The following ACTL8 variants were observed in gnomAD, a reference collection of about 807,000 sequenced individuals.
ACTL8 encodes the protein actin-like protein 8.
In ACTL8, 3 loss-of-function variants were observed where a neutral mutation model predicts 9.3. The observed-to-expected ratio is 0.32, with a 90% CI of 0.15 to 0.83. The LOEUF (loss-of-function observed/expected upper bound fraction) is 0.83, where lower values mean the gene tolerates loss of function less well. Among genes scored for constraint, ACTL8 ranks in the 40% least tolerant of loss-of-function variants. ACTL8 has a pLI of 0.57. For missense variants in ACTL8, 381 were observed against 492.2 expected (o/e 0.77, Z 2.14); for synonymous variants, 224 against 205.9 (o/e 1.09, Z -0.75).
intron 1 of ACTL8, among the ~76,000 whole-genome samples, chr1:17,799,608 T>A (rs145436563): frequency 3.1e-4 from 46 of 150,066 alleles, no homozygotes; most frequent in African/African-American, 1.1e-3. Flanking sequence ...CTCTCTTTTT[T>A]TTCTCTGGCC....
At chr1:17,822,428 C>A (rs1181681068) in intron 1 of ACTL8, among the ~76,000 whole-genome samples, 1 of 152,206 alleles carries the variant, frequency 6.6e-6, no homozygotes, top group African/African-American at 2.4e-5. Context: ...GCAAAGCATT[C>A]CTTGTAGTAC....
chr1:17,824,558 A>T (rs531615458), intron 2 of ACTL8, among the ~76,000 whole-genome samples: 1 of 152,350 alleles, frequency 6.6e-6, no homozygotes, highest in Non-Finnish European at 1.5e-5. Flanking sequence ...TTACTAGGTA[A>T]AATACGTGAT....
In ACTL8 at chr1:17,794,463, C is replaced by T. The variant is rs540646216; in HGVS notation, c.-24-28522C>T. ...CATCAGTTACACCATCCCCTCTAGGCTCCACAGGAGAAATGGCTTTCAGGC... is the reference window on the plus strand; with the variant it reads ...CATCAGTTACACCATCCCCTCTAGGTTCCACAGGAGAAATGGCTTTCAGGC... On this transcript the variant is annotated intron_variant, in intron 1 of 2. Coordinates refer to ENST00000375406, the MANE Select transcript of ACTL8 (RefSeq NM_030812.3). Among the ~76,000 whole-genome samples the T allele has an allele frequency of 3.3e-5, 5 of 152,338 alleles. No individual in the cohort carries two copies. In the East Asian group the frequency reaches 9.7e-4, roughly 29 times the overall value.
At chr1:17,794,512 TAAAC>T (rs2102689289) in intron 1 of ACTL8, among the ~76,000 whole-genome samples, 1 of 152,346 alleles carries the variant, frequency 6.6e-6, no homozygotes, top group South Asian at 2.1e-4. Context: ...AAATAGATGT[TAAAC>T]AAGCAACAGT....
chr1:17,815,086 A>G (rs113040761), intron 1 of ACTL8, among the ~76,000 whole-genome samples: 3,517 of 152,344 alleles, frequency 0.023, 124 homozygotes, highest in African/African-American at 0.077. Flanking sequence ...AGTTGCCTAC[A>G]GTATTCAGTA....
In ACTL8 at chr1:17,826,115, G is replaced by C. The variant is rs1336471590; in HGVS notation, c.697G>C (p.Asp233His). 4 of 1,610,542 alleles carry C rather than the reference G, an allele frequency of 2.5e-6. No individual in the cohort carries two copies. Among genetic ancestry groups the C allele is most frequent in the Non-Finnish European group, 3.4e-6 (4 of 1,179,366 alleles). Residue 233 changes from aspartate to histidine, a missense_variant, in exon 3 of 3, where the codon GAT (aspartate) becomes CAT (histidine). Physicochemically the swap from Asp to His is moderately conservative, Grantham distance 81 (BLOSUM62 -1). Transcript: ENST00000375406. The surrounding 1 kb of genome is among the most constrained non-coding windows in gnomAD (Gnocchi z 4.5). ...TCGTGAGAGGCAGCAGAGTGCCTTG[G>C]ATGAGAGCAACACCTATCAGCTCCC... The part of the protein sequence containing the change: ...DFRERQQSAL[D>H]ESNTYQLPDG...
intron 1 of ACTL8, among the ~76,000 whole-genome samples, chr1:17,805,943 T>C (rs538192448): frequency 1.3e-5 from 2 of 152,348 alleles, no homozygotes; most frequent in South Asian, 4.1e-4. Flanking sequence ...TGGGAGGCCG[T>C]AGGGACAAGA....
intron 1 of ACTL8, among the ~76,000 whole-genome samples, chr1:17,818,970 A>T (rs1298655033): frequency 6.6e-6 from 1 of 152,176 alleles, no homozygotes. Context: ...TACAGATTTT[A>T]TCTCTGTCTT....
intron 1 of ACTL8, among the ~76,000 whole-genome samples, chr1:17,819,910 G>C (rs986712754): frequency 2.0e-5 from 3 of 151,968 alleles, no homozygotes; most frequent in African/African-American, 7.3e-5. Flanking sequence ...CCAGGAGGCT[G>C]AGGTGGGAGG....
chr1:17,802,415 C>CCGTGCGTGTGTGTG (rs1203599989), intron 1 of ACTL8, among the ~76,000 whole-genome samples: 3 of 136,480 alleles, frequency 2.2e-5, no homozygotes, highest in African/African-American at 8.9e-5. Context: ...TCCCGGATGA[C>CCGTGCGTGTGTGTG]TGTGCGTGCG....
intron 1 of ACTL8, among the ~76,000 whole-genome samples, chr1:17,790,157 C>T (rs1050765586): frequency 6.6e-6 from 1 of 152,238 alleles, no homozygotes; most frequent in Non-Finnish European, 1.5e-5. Context: ...GCTTCCACGG[C>T]TGGCACCGGG....
chr1:17,815,893 T>A (rs926603791), intron 1 of ACTL8, among the ~76,000 whole-genome samples: 3 of 152,232 alleles, frequency 2.0e-5, no homozygotes, highest in Non-Finnish European at 4.4e-5. Flanking sequence ...CTATTGATAT[T>A]TGAAAATCCC....
chr1:17,793,283 A>T (rs1248730511), intron 1 of ACTL8, among the ~76,000 whole-genome samples: 1 of 152,204 alleles, frequency 6.6e-6, no homozygotes, highest in African/African-American at 2.4e-5. Flanking sequence ...TGGAGTGGCC[A>T]TCTGGAGCCC....
At chr1:17,788,622 G>C (rs556093073) in intron 1 of ACTL8, among the ~76,000 whole-genome samples, 6 of 152,254 alleles carry the variant, frequency 3.9e-5, no homozygotes, top group Non-Finnish European at 8.8e-5. Flanking sequence ...GGTGGTATGA[G>C]AGAATTCCTG....
At chr1:17,763,502 AC>A (rs984127981) in intron 1 of ACTL8, among the ~76,000 whole-genome samples, 1 of 151,754 alleles carries the variant, frequency 6.6e-6, no homozygotes, top group African/African-American at 2.4e-5. Context: ...CCTTTTCCCC[AC>A]TTCTGCGGGA....
At chr1:17,795,568 A>G (rs2066270895) in intron 1 of ACTL8, among the ~76,000 whole-genome samples, 1 of 142,650 alleles carries the variant, frequency 7.0e-6, no homozygotes, top group Non-Finnish European at 1.5e-5. Context: ...ATTTAGGAGC[A>G]ATAAAAAAAG....
chr1:17,794,922 G>C (rs1169787667), intron 1 of ACTL8, among the ~76,000 whole-genome samples: 3 of 152,216 alleles, frequency 2.0e-5, no homozygotes, highest in African/African-American at 7.2e-5. Context: ...GCTGAGGTGT[G>C]TGGTAGGGGA....
chr1:17,773,080 G>A (rs953340921), intron 1 of ACTL8, among the ~76,000 whole-genome samples: 19 of 152,198 alleles, frequency 1.2e-4, no homozygotes, highest in African/African-American at 3.9e-4. Flanking sequence ...CACTGTCGAC[G>A]TAATCCTCCG....
At chr1:17,806,410 C>T (rs1380041722) in intron 1 of ACTL8, among the ~76,000 whole-genome samples, 4 of 152,192 alleles carry the variant, frequency 2.6e-5, no homozygotes, top group African/African-American at 9.7e-5. Flanking sequence ...TGGTACTCCC[C>T]CTGTTTCTCA....
Sources: gnomAD v4.1 joint callset for allele counts (sites outside exome capture counted in the v4.1 genomes callset) on GRCh38, gnomAD v4.1.1 for gene constraint, Gnocchi (gnomAD v3.1) non-coding constraint, MANE v1.5 for transcripts, NCBI Gene and HGNC (gene_info 2026-07-23, HGNC 2026-07-21) for gene names.